The following MTOR variants were observed in gnomAD, a reference collection of about 807,000 sequenced individuals.
The protein encoded by MTOR is mechanistic target of rapamycin kinase.
A neutral mutation model predicts 319.8 loss-of-function variants in MTOR; 70 were observed. The observed-to-expected ratio is 0.22, with a 90% confidence interval of 0.18 to 0.27. The LOEUF (loss-of-function observed/expected upper bound fraction) is 0.27. Among genes scored for constraint, MTOR ranks in the 10% least tolerant of loss-of-function variants. MTOR has a pLI of 1.00. For synonymous variants in MTOR, 1,183 were observed against 1,211.4 expected, an observed-to-expected ratio of 0.98 and a Z score of 0.49; for missense variants, 1,890 against 3,274.4, an observed-to-expected ratio of 0.58 and a Z score of 10.32.
rs1647841428 is a variant in MTOR, at chr1:11,240,316, G to A, written c.1773C>T (p.Ser591=). Residue 591 remains serine, a synonymous_variant, in exon 11 of 58, where the codon AGC becomes AGT. Coordinates refer to ENST00000361445, the MANE Select transcript of MTOR (RefSeq NM_004958.4). ...SITLALRTLG[S]FEFEGHSLTQ... Reference sequence around the variant, plus strand: ...GTAATTTCTTACCTTCAAATTCAAAGCTGCCAAGCGTTCGGAGGGCAAGAG... The same window carrying A: ...GTAATTTCTTACCTTCAAATTCAAAACTGCCAAGCGTTCGGAGGGCAAGAG... 6.4e-7 allele frequency: 1 copy of A among 1,561,696 alleles called. No homozygotes were observed. Among genetic ancestry groups the A allele is most frequent in the South Asian group, 1.2e-5 (1 of 84,786 alleles).
Position 11,228,731 on chromosome 1 carries a change from G to T in MTOR, c.2967C>A (p.Phe989Leu). The change falls in exon 19 of 58, where the codon TTC becomes TTA. Residue 989 changes from phenylalanine (F) to leucine (L), a missense_variant. By Grantham distance (22) the Phe-to-Leu change is conservative (BLOSUM62 0). Coordinates refer to ENST00000361445, the MANE Select transcript of MTOR (RefSeq NM_004958.4). ...GGAACGTGGGCATGACCTGGGGCAG[G>T]AACTGCACACATTTGAGTCCCAGGG... ...FKSLGLKCVQ[F>L]LPQVMPTFLN... 6.2e-7 allele frequency: 1 copy of T among 1,614,128 alleles called. No individual in the cohort carries two copies. The highest frequency in any genetic ancestry group is 8.5e-7 in the Non-Finnish European group (1 of 1,180,028).
At chr1:11,259,556 C>T (rs1650845576) in intron 1 of MTOR, 133 bp from the exon 2 acceptor site, 3 of 941,510 alleles carry the variant, frequency 3.2e-6, no homozygotes, top group South Asian at 3.7e-5. Flanking sequence ...GTTGAGAGAT[C>T]TGATTGAGGA....
intron 28 of MTOR, among the ~76,000 whole-genome samples, chr1:11,198,022 G>A (rs934128245): frequency 6.6e-6 from 1 of 152,090 alleles, no homozygotes. Flanking sequence ...TCAAATATGC[G>A]GAAAAATTAA....
At position 11,114,340 on chromosome 1, in the gene MTOR, C is replaced by T. The variant is rs2100314935; in HGVS notation, c.7278G>A (p.Leu2426=). The T allele has an allele frequency of 6.2e-7, 1 of 1,614,108 alleles. No homozygotes were observed. The highest frequency in any genetic ancestry group is 1.1e-5 in the South Asian group (1 of 91,082). ...AVLEAFVYDP[L]LNWRLMDTNT... is the part of the protein sequence containing the mutation. ...CACTGTCCATCAGCCTCCAGTTCAG[C>T]AAGGGGTCATAGACAAAGGCTTCCA... Residue 2426 remains leucine (L), a synonymous_variant, in exon 53 of 58, where the codon TTG becomes TTA. Coordinates refer to ENST00000361445, the MANE Select transcript of MTOR (RefSeq NM_004958.4).
rs80320432 is a variant in MTOR at position 11,133,473 on chromosome 1, C to T, written c.5247-276G>A. On this transcript the variant is annotated intron_variant, in intron 37 of 57. Coordinates refer to ENST00000361445, the MANE Select transcript of MTOR (RefSeq NM_004958.4). The surrounding 1 kb of genome is among the most constrained non-coding windows in gnomAD (Gnocchi z 4.0). ...TACAGATAGGTCTGTATGGACTTAC[C>T]TACCCCAAACCCAATTTTTTGTGGG... Among the ~76,000 whole-genome samples, 1,354 of 146,062 alleles carry T rather than the reference C, an allele frequency of 9.3e-3. 27 individuals are homozygous for T. The highest frequency in any genetic ancestry group is 0.032 in the African/African-American group (1,263 of 39,400).
Position 11,228,933 on chromosome 1 carries a change from C to T in MTOR, c.2780-15G>A, listed in dbSNP as rs370116038. Reference sequence around the variant, plus strand: ...GCTATAGTCAGCTAGGACAAAACAACAGAGAGTGTTAGAGCTACACATGGC... The same window carrying T: ...GCTATAGTCAGCTAGGACAAAACAATAGAGAGTGTTAGAGCTACACATGGC... On this transcript the variant is annotated splice_polypyrimidine_tract_variant and intron_variant, in intron 18 of 57. Transcript: ENST00000361445. 5.6e-6 allele frequency: 9 copies of T among 1,613,440 alleles called. No homozygotes were observed. Among genetic ancestry groups the T allele is most frequent in the Non-Finnish European group, 6.8e-6 (8 of 1,179,596 alleles).
intron 26 of MTOR, among the ~76,000 whole-genome samples, chr1:11,200,532 G>C (rs1233323330): frequency 6.6e-6 from 1 of 152,074 alleles, no homozygotes; most frequent in Non-Finnish European, 1.5e-5. Flanking sequence ...GTGACTGTGC[G>C]GGGAAGGAAA....
chr1:11,194,745 A>C (rs1645714481), intron 28 of MTOR: 1 of 1,601,320 alleles, frequency 6.2e-7, no homozygotes, highest in African/African-American at 1.3e-5. Context: ...ATAACTGTAC[A>C]GTTGATATTC....
chr1:11,198,426 T>C (rs1314975935), intron 28 of MTOR, among the ~76,000 whole-genome samples: 1 of 152,200 alleles, frequency 6.6e-6, no homozygotes, highest in Non-Finnish European at 1.5e-5. Context: ...CTTGGCTATT[T>C]GATTACCCTC....
intron 28 of MTOR, among the ~76,000 whole-genome samples, chr1:11,178,815 C>G (rs2100657734): frequency 6.6e-6 from 1 of 152,332 alleles, no homozygotes; most frequent in Admixed American, 6.5e-5. Context: ...GTCCTGATTT[C>G]TTGGCTTCTG....
rs1569843024 is a variant in MTOR, at chr1:11,256,130, G to A, written c.567C>T (p.Pro189=). ...VPTFFFQQVQ[P]FFDNIFVAVW... ...CGGCCACAAAAATGTTGTCAAAGAAGGGTTGCACTTGCTGGAAGAAGAAGG... is the reference window on the plus strand; with the variant it reads ...CGGCCACAAAAATGTTGTCAAAGAAAGGTTGCACTTGCTGGAAGAAGAAGG... The change falls in exon 5 of 58, where the codon CCC becomes CCT. Residue 189 remains proline, a synonymous_variant. Transcript: ENST00000361445. The A allele has an allele frequency of 6.2e-7, 1 of 1,614,180 alleles. No individual in the cohort carries two copies. The highest frequency in any genetic ancestry group is 8.5e-7 in the Non-Finnish European group (1 of 1,180,042).
intron 13 of MTOR, among the ~76,000 whole-genome samples, chr1:11,237,332 C>A (rs1647342228): frequency 6.6e-6 from 1 of 152,166 alleles, no homozygotes. Flanking sequence ...AGCAGCTGAG[C>A]TTGGCATTCT....
chr1:11,108,043 G>A (rs1242231595), intron 57 of MTOR, 138 bp downstream of exon 57: 2 of 610,688 alleles, frequency 3.3e-6, no homozygotes, highest in African/African-American at 1.9e-5. Context: ...CAGTAAATAT[G>A]AATTTTTAAA....
chr1:11,126,541 G>A (rs1399747984), intron 46 of MTOR, 81 bp downstream of exon 46: 13 of 1,455,448 alleles, frequency 8.9e-6, no homozygotes, highest in Non-Finnish European at 1.2e-5. Context: ...GGAATGGCAA[G>A]CAGTAATTTC....
intron 19 of MTOR, among the ~76,000 whole-genome samples, chr1:11,227,673 A>T: frequency 6.7e-6 from 1 of 149,946 alleles, no homozygotes; most frequent in African/African-American, 2.4e-5. Flanking sequence ...CAAGAGTGAG[A>T]GGTGGGGGAG....
intron 3 of MTOR, 120 bp from the exon 4 acceptor site, chr1:11,257,285 T>A: frequency 1.2e-6 from 1 of 842,748 alleles, no homozygotes; most frequent in Non-Finnish European, 1.9e-6. Context: ...TCTGTAATCC[T>A]AGCACTTTGG....
At chr1:11,252,398 A>G (rs1569824932) in intron 6 of MTOR, among the ~76,000 whole-genome samples, 1 of 151,934 alleles carries the variant, frequency 6.6e-6, no homozygotes, top group East Asian at 1.9e-4. Flanking sequence ...CAGCCTCCCA[A>G]AGTGCTGAAA....
At chr1:11,137,982 G>A (rs987636377) in intron 36 of MTOR, among the ~76,000 whole-genome samples, 2 of 152,166 alleles carry the variant, frequency 1.3e-5, no homozygotes, top group Non-Finnish European at 2.9e-5. Context: ...GACATCTCTA[G>A]TTCTGGGCTT....
intron 26 of MTOR, among the ~76,000 whole-genome samples, chr1:11,200,779 G>A (rs79292298): frequency 2.6e-5 from 4 of 152,186 alleles, no homozygotes; most frequent in African/African-American, 9.7e-5. Flanking sequence ...ACTTTGGGGG[G>A]CTGAGGCGGG....
Sources: allele counts gnomAD v4.1 joint callset (sites outside exome capture counted in the v4.1 genomes callset), GRCh38; gene constraint gnomAD v4.1.1; non-coding constraint Gnocchi (gnomAD v3.1); transcripts MANE v1.5; gene names NCBI Gene and HGNC (gene_info 2026-07-23, HGNC 2026-07-21).